DLGAP2: variants seen among roughly 807,000 people sequenced by gnomAD.
DLGAP2 encodes disks large-associated protein 2.
A neutral mutation model predicts 100.3 loss-of-function variants in DLGAP2; 26 were observed. The ratio of observed to expected loss-of-function variants is 0.26; its 90% CI spans 0.19 to 0.36. DLGAP2 has a LOEUF of 0.36. Ranked by LOEUF, DLGAP2 falls within the 10% of genes least tolerant of loss-of-function variation. The pLI is 1.00. For missense variants in DLGAP2, 1,858 were observed against 1,453.2 expected (o/e 1.28, Z -4.53); for synonymous variants, 886 against 630.1 (o/e 1.41, Z -6.08).
chr8:896,371 G>T (rs1213563746), intron 1 of DLGAP2, among the ~76,000 whole-genome samples: 1 of 147,020 alleles, frequency 6.8e-6, no homozygotes, highest in African/African-American at 2.5e-5. Context: ...ACCATTGCCA[G>T]TTCCACCTGG....
chr8:921,994 T>A (rs1391600335), intron 2 of DLGAP2, among the ~76,000 whole-genome samples: 3 of 152,178 alleles, frequency 2.0e-5, no homozygotes, highest in African/African-American at 7.2e-5. Context: ...AAACGGCAAA[T>A]ATCTGGGTGG....
At position 1,701,097 on chromosome 8, in the gene DLGAP2, G is replaced by A. The variant is rs572273275; in HGVS notation, c.2950-91G>A. 6 of 1,210,498 alleles carry A rather than the reference G, an allele frequency of 5.0e-6. No homozygotes were observed. The East Asian group carries it at 1.5e-4, about 31-fold the overall frequency. The allele number at this position is 1,210,498 out of a possible 1,614,324, so 75.0% of individuals were successfully genotyped here. ...CGGCCCTGGGGGCTGCGGTCGGGAA[G>A]GGTCAGGCCAGGCCCCAGGGCCGCT... On this transcript the variant is annotated intron_variant, in intron 14 of 14. Transcript: ENST00000637795.
intron 3 of DLGAP2, among the ~76,000 whole-genome samples, chr8:1,421,632 T>C (rs146201589): frequency 5.9e-5 from 9 of 152,290 alleles, no homozygotes; most frequent in Non-Finnish European, 1.3e-4. Context: ...AAATAGAGAT[T>C]AGTGATGATC....
intron 3 of DLGAP2, among the ~76,000 whole-genome samples, chr8:1,499,398 T>C (rs182901880): frequency 6.6e-6 from 1 of 152,346 alleles, no homozygotes; most frequent in African/African-American, 2.4e-5. Context: ...ATTGTTTTAG[T>C]TCATCCCCAA....
chr8:1,277,201 T>G (rs1799715355), intron 3 of DLGAP2, among the ~76,000 whole-genome samples: 1 of 152,216 alleles, frequency 6.6e-6, no homozygotes, highest in Non-Finnish European at 1.5e-5. Context: ...ATTTTACTAA[T>G]GAATTTTTGG....
At chr8:834,396 T>C (rs1467253899) in intron 1 of DLGAP2, among the ~76,000 whole-genome samples, 1 of 152,232 alleles carries the variant, frequency 6.6e-6, no homozygotes, top group Non-Finnish European at 1.5e-5. Flanking sequence ...AAGTTCATAA[T>C]AGGCTCTGAG....
chr8:760,479 C>G (rs1323310762), intron 1 of DLGAP2, among the ~76,000 whole-genome samples: 1 of 152,152 alleles, frequency 6.6e-6, no homozygotes, highest in Non-Finnish European at 1.5e-5. Context: ...CTTGCCTGTC[C>G]AAAACTCTAC....
intron 6 of DLGAP2, among the ~76,000 whole-genome samples, chr8:1,583,808 G>A (rs1051989859): frequency 2.6e-5 from 4 of 152,038 alleles, no homozygotes; most frequent in Admixed American, 1.3e-4. Flanking sequence ...TCCACGCGCT[G>A]GTTGCAGGGG....
At chr8:1,440,078 C>A (rs114596228) in intron 3 of DLGAP2, among the ~76,000 whole-genome samples, 6 of 152,146 alleles carry the variant, frequency 3.9e-5, no homozygotes. Flanking sequence ...TCAGCTACCT[C>A]TCAGGTCCCA....
chr8:1,278,677 G>T (rs192148245), intron 3 of DLGAP2, among the ~76,000 whole-genome samples: 2 of 152,238 alleles, frequency 1.3e-5, no homozygotes, highest in Non-Finnish European at 2.9e-5. Flanking sequence ...CTAATCAGTG[G>T]TGTGACCCTC....
intron 3 of DLGAP2, among the ~76,000 whole-genome samples, chr8:1,266,701 A>T (rs905309974): frequency 6.6e-5 from 10 of 152,086 alleles, no homozygotes; most frequent in African/African-American, 2.4e-4. Flanking sequence ...TTTACAATAA[A>T]AGCATGATAC....
chr8:1,458,194 C>T (rs576540740), intron 3 of DLGAP2, among the ~76,000 whole-genome samples: 5 of 151,966 alleles, frequency 3.3e-5, no homozygotes, highest in Admixed American at 3.3e-4. Context: ...GCATGAGCCA[C>T]CACACCCAGC....
At chr8:1,614,430 T>C (rs1488411586) in intron 6 of DLGAP2, among the ~76,000 whole-genome samples, 2 of 152,182 alleles carry the variant, frequency 1.3e-5, no homozygotes, top group Non-Finnish European at 2.9e-5. Context: ...GAGGTTGGAA[T>C]ATGACCACAG....
chr8:1,105,446 C>T (rs769793103), intron 2 of DLGAP2, among the ~76,000 whole-genome samples: 1 of 151,916 alleles, frequency 6.6e-6, no homozygotes, highest in African/African-American at 2.4e-5. Context: ...GAACAGTCAC[C>T]CTAACATGGT....
chr8:1,042,729 GAGTGGTGGATGTGGGTCGTGGATGTA>G lies in DLGAP2; in HGVS notation c.73+134764_73+134789del, dbSNP rs1470887798. 1.8e-4 allele frequency among the ~76,000 whole-genome samples: 27 copies of G among 149,168 alleles called. 7 individuals are homozygous for G. Among genetic ancestry groups the G allele is most frequent in the East Asian group, 4.0e-4 (2 of 4,970 alleles). On this transcript the variant is annotated intron_variant, in intron 2 of 14. Coordinates refer to ENST00000637795, the MANE Select transcript of DLGAP2 (RefSeq NM_001346810.2). ...GGTGGTGGGTGTGGGTGGTGGATGT[GAGTGGTGGATGTGGGTCGTGGATGTA>G]GGTGGTGGATGTGGGTGATGGATGT...
intron 3 of DLGAP2, among the ~76,000 whole-genome samples, chr8:1,436,152 C>G (rs934217148): frequency 6.6e-6 from 1 of 152,200 alleles, no homozygotes; most frequent in Non-Finnish European, 1.5e-5. Context: ...ACTCCCACCA[C>G]AAGCCGTCTG....
At chr8:1,314,967 C>G (rs910243145) in intron 3 of DLGAP2, among the ~76,000 whole-genome samples, 1 of 152,212 alleles carries the variant, frequency 6.6e-6, no homozygotes, top group South Asian at 2.1e-4. Flanking sequence ...GAAAGGGTGA[C>G]CTATCCCAGC....
intron 3 of DLGAP2, among the ~76,000 whole-genome samples, chr8:1,409,845 C>T (rs1466269975): frequency 6.6e-6 from 1 of 152,198 alleles, no homozygotes; most frequent in African/African-American, 2.4e-5. Flanking sequence ...AGGCTTTCAC[C>T]AGCAGCCCCT....
At chr8:1,467,915 C>G (rs1352314912) in intron 3 of DLGAP2, among the ~76,000 whole-genome samples, 4 of 152,234 alleles carry the variant, frequency 2.6e-5, no homozygotes, top group African/African-American at 9.7e-5. Flanking sequence ...CTTTGTTTCA[C>G]TAAACATAAA....
Sources: allele counts gnomAD v4.1 joint callset (sites outside exome capture counted in the v4.1 genomes callset), GRCh38; gene constraint gnomAD v4.1.1; transcripts MANE v1.5; gene names NCBI Gene and HGNC (gene_info 2026-07-23, HGNC 2026-07-21).